The following INPP4B variants were observed in gnomAD, a reference collection of about 807,000 sequenced individuals.
INPP4B encodes inositol polyphosphate-4-phosphatase type II B.
INPP4B carries 55 observed loss-of-function variants against 122.5 expected under a neutral mutation model. The ratio of observed to expected loss-of-function variants is 0.45; its 90% confidence interval spans 0.36 to 0.56. The LOEUF is 0.56. INPP4B is among the 20% of genes least tolerant of loss of function. The pLI, the probability that INPP4B is intolerant of heterozygous loss-of-function variation, is 0.00. For synonymous variants in INPP4B, 403 were observed against 388.7 expected (o/e 1.04, Z -0.43); for missense variants, 1,000 against 1,097.7 (o/e 0.91, Z 1.26).
At chr4:142,125,908 A>G (rs1052605491) in intron 18 of INPP4B, among the ~76,000 whole-genome samples, 2 of 152,170 alleles carry the variant, frequency 1.3e-5, no homozygotes, top group Non-Finnish European at 1.5e-5. Flanking sequence ...CAATAAATAT[A>G]AAAAGTTTTA....
At chr4:142,521,271 G>A (rs1321562994) in intron 2 of INPP4B, among the ~76,000 whole-genome samples, 2 of 151,648 alleles carry the variant, frequency 1.3e-5, no homozygotes, top group African/African-American at 4.8e-5. Flanking sequence ...AAAAATAAAA[G>A]GATTCCATGG....
At chr4:142,531,755 C>A (rs890918908) in intron 2 of INPP4B, among the ~76,000 whole-genome samples, 1 of 151,904 alleles carries the variant, frequency 6.6e-6, no homozygotes, top group Non-Finnish European at 1.5e-5. Flanking sequence ...AAGACCCTAC[C>A]AAATATAGTA....
intron 18 of INPP4B, among the ~76,000 whole-genome samples, chr4:142,125,799 G>T (rs1444652124): frequency 6.6e-6 from 1 of 152,078 alleles, no homozygotes; most frequent in African/African-American, 2.4e-5. Context: ...CTCACTGAGG[G>T]CAAGGAATTC....
At chr4:142,317,288 C>A (rs777958951) in intron 7 of INPP4B, 1 of 371,306 alleles carries the variant, frequency 2.7e-6, no homozygotes, top group South Asian at 2.4e-5. Context: ...CAGAGGAGCC[C>A]CTCGATCTTA....
At chr4:142,404,682 G>A (rs930083690) in intron 6 of INPP4B, among the ~76,000 whole-genome samples, 3 of 152,010 alleles carry the variant, frequency 2.0e-5, no homozygotes, top group East Asian at 1.9e-4. Flanking sequence ...GAAAAACATC[G>A]TAAGTTGAAA....
chr4:142,302,578 C>T (rs894978440), intron 9 of INPP4B, among the ~76,000 whole-genome samples: 1 of 152,076 alleles, frequency 6.6e-6, no homozygotes, highest in African/African-American at 2.4e-5. Flanking sequence ...AATAGCATCT[C>T]ATTTGATAAG....
intron 1 of INPP4B, among the ~76,000 whole-genome samples, chr4:142,823,656 C>A (rs7660533): frequency 0.46 from 70,505 of 151,950 alleles, 18,938 homozygotes; most frequent in African/African-American, 0.75. Flanking sequence ...CTACTTTCAA[C>A]ACTAATTCAC....
At chr4:142,376,103 T>A (rs1211048296) in intron 7 of INPP4B, among the ~76,000 whole-genome samples, 1 of 152,072 alleles carries the variant, frequency 6.6e-6, no homozygotes, top group Non-Finnish European at 1.5e-5. Flanking sequence ...TATAGTTTCT[T>A]AATACATGGT....
At position 142,124,673 on chromosome 4, in the gene INPP4B, G is replaced by A; in HGVS notation, c.1808C>T (p.Thr603Ile). ...CGCAAGTTCCTGAAGGAGCACAAAT[G>A]TCAGGGACTGCTTGGCTCGGTTCAC... is the stretch of plus-strand genomic sequence containing the variant. ...EVVNRAKQSL[T>I]FVLLQELAYS... is the part of the protein sequence containing the mutation. Residue 603 changes from threonine (T) to isoleucine (I), a missense_variant, in exon 19 of 26, where the codon ACA (threonine) becomes ATA (isoleucine). By Grantham distance (89) the Thr-to-Ile change is moderately conservative (BLOSUM62 -1). Coordinates refer to ENST00000262992, the MANE Select transcript of INPP4B (RefSeq NM_001101669.3). The A allele has an allele frequency of 3.1e-6, 5 of 1,613,270 alleles. No individual in the cohort carries two copies. Among genetic ancestry groups the A allele is most frequent in the Non-Finnish European group, 4.2e-6 (5 of 1,179,506 alleles).
Position 142,152,066 on chromosome 4 carries a change from C to CTTTTTTTTTTTT in INPP4B, c.1564-6082_1564-6071dup, listed in dbSNP as rs572092121. ...TGCCTAACATGCTTTTTTGTCTTTTCTTTTTTTTTTTTTTTTTTTTTTTTT... is the reference window on the plus strand; with the variant it reads ...TGCCTAACATGCTTTTTTGTCTTTTCTTTTTTTTTTTTTTTTTTTTTTTTTTTTTTTTTTTTT... On this transcript the variant is annotated intron_variant, in intron 17 of 25. Coordinates refer to ENST00000262992, the MANE Select transcript of INPP4B (RefSeq NM_001101669.3). Among the ~76,000 whole-genome samples the CTTTTTTTTTTTT allele has an allele frequency of 2.1e-4, 15 of 69,954 alleles. 2 individuals are homozygous for CTTTTTTTTTTTT. Among genetic ancestry groups the CTTTTTTTTTTTT allele is most frequent in the African/African-American group, 7.2e-4 (13 of 18,004 alleles). 45.9% of individuals were successfully genotyped at this position (69,954 alleles called of 152,430 possible). A position where few individuals can be genotyped will look rare whatever the true frequency, so the allele number is the denominator to read the frequency against.
chr4:142,652,585 C>A (rs1022540253), intron 2 of INPP4B, among the ~76,000 whole-genome samples: 1 of 151,676 alleles, frequency 6.6e-6, no homozygotes, highest in Admixed American at 6.6e-5. Flanking sequence ...AACAAACAGA[C>A]AAATCATGAG....
At chr4:142,465,042 C>A (rs1817498572) in intron 2 of INPP4B, among the ~76,000 whole-genome samples, 1 of 152,152 alleles carries the variant, frequency 6.6e-6, no homozygotes, top group Non-Finnish European at 1.5e-5. Flanking sequence ...CCAACATAGT[C>A]TCATATAGTC....
intron 11 of INPP4B, among the ~76,000 whole-genome samples, chr4:142,254,911 C>G (rs551083730): frequency 2.6e-5 from 4 of 151,748 alleles, no homozygotes; most frequent in Admixed American, 6.6e-5. Context: ...GTCAGATTCA[C>G]CAAAGTGGAA....
chr4:142,774,102 A>C (rs1773488986), intron 1 of INPP4B, among the ~76,000 whole-genome samples: 1 of 152,072 alleles, frequency 6.6e-6, no homozygotes, highest in Non-Finnish European at 1.5e-5. Context: ...GCTTTTCTTT[A>C]ATCCTTTCCA....
At position 142,290,195 on chromosome 4, in the gene INPP4B, C is replaced by CTTTT. The variant is rs35260066; in HGVS notation, c.503+15259_503+15262dup. On this transcript the variant is annotated intron_variant, in intron 9 of 25. Transcript: ENST00000262992. ...CCACCTTGGCCTTATTTCTTTCTTC[C>CTTTT]TTTTTTTTTTTTTTTTTTTTTTTTT... is the stretch of plus-strand genomic sequence containing the variant. Among the ~76,000 whole-genome samples the CTTTT allele has an allele frequency of 3.0e-3, 229 of 77,508 alleles. 44 individuals are homozygous for CTTTT. Among genetic ancestry groups the CTTTT allele is most frequent in the African/African-American group, 0.013 (200 of 15,140 alleles). The allele number at this position is 77,508 out of a possible 152,430, so 50.8% of individuals were successfully genotyped here.
chr4:142,566,304 T>C (rs1479874029), intron 2 of INPP4B: 4 of 152,096 alleles, frequency 2.6e-5, no homozygotes, highest in Non-Finnish European at 4.4e-5. Flanking sequence ...ACCAGAGTAA[T>C]GGCCATAGAA....
chr4:142,067,674 C>A (rs767884754), intron 25 of INPP4B, among the ~76,000 whole-genome samples: 1 of 151,926 alleles, frequency 6.6e-6, no homozygotes, highest in Non-Finnish European at 1.5e-5. Context: ...ACGAGAAGTA[C>A]GCGACACATG....
chr4:142,562,217 G>A (rs781723950), intron 2 of INPP4B, among the ~76,000 whole-genome samples: 3 of 152,128 alleles, frequency 2.0e-5, no homozygotes, highest in Non-Finnish European at 4.4e-5. Flanking sequence ...CTTGAACAAA[G>A]ATAGGTATTT....
At position 142,367,256 on chromosome 4, in the gene INPP4B, G is replaced by A. The variant is rs113446169; in HGVS notation, c.372+35682C>T. Among the ~76,000 whole-genome samples, 1,344 of 150,428 alleles carry A rather than the reference G, an allele frequency of 8.9e-3. 10 individuals are homozygous for A. The highest frequency in any genetic ancestry group is 0.015 in the Non-Finnish European group (984 of 67,562). On this transcript the variant is annotated intron_variant, in intron 7 of 25. Transcript: ENST00000262992. Reference sequence around the variant, plus strand: ...CCAGTCATTAGAGAAAATCTAATTTGACTTCGTTATGTTCTTTTTACCTGT... The same window carrying A: ...CCAGTCATTAGAGAAAATCTAATTTAACTTCGTTATGTTCTTTTTACCTGT...
Sources: gnomAD v4.1 joint callset for allele counts (sites outside exome capture counted in the v4.1 genomes callset) on GRCh38, gnomAD v4.1.1 for gene constraint, MANE v1.5 for transcripts, NCBI Gene and HGNC (gene_info 2026-07-23, HGNC 2026-07-21) for gene names.